Variants in THSD4 observed in about 807,000 individuals in gnomAD.
THSD4 encodes thrombospondin type-1 domain-containing protein 4.
In THSD4, 69 loss-of-function variants were observed where a neutral mutation model predicts 119.0. The ratio of observed to expected loss-of-function variants is 0.58; its 90% CI spans 0.48 to 0.71. The LOEUF (loss-of-function observed/expected upper bound fraction) is 0.71, where lower values mean the gene tolerates loss of function less well. THSD4 is among the 30% of genes least tolerant of loss of function. The pLI, the probability that THSD4 is intolerant of heterozygous loss-of-function variation, is 0.00. For synonymous variants in THSD4, 524 were observed against 540.4 expected (o/e 0.97, Z 0.42); for missense variants, 1,393 against 1,391.1 (o/e 1.00, Z -0.02).
chr15:71,640,249 AT>A (rs201551522), intron 7 of THSD4, among the ~76,000 whole-genome samples: 127 of 146,358 alleles, frequency 8.7e-4, no homozygotes, highest in South Asian at 4.2e-3. Context: ...TGCTCAGCTA[AT>A]TTTTTTTTTT....
chr15:71,686,869 G>A (rs2051922264), intron 8 of THSD4, among the ~76,000 whole-genome samples: 1 of 152,200 alleles, frequency 6.6e-6, no homozygotes, highest in African/African-American at 2.4e-5. Context: ...AAAGCAGGTG[G>A]CAGGCCATAT....
At chr15:71,222,154 C>T (rs1235339209) in intron 4 of THSD4, among the ~76,000 whole-genome samples, 1 of 152,138 alleles carries the variant, frequency 6.6e-6, no homozygotes, top group Non-Finnish European at 1.5e-5. Flanking sequence ...AAAATGGCAT[C>T]CAGAAAGACT....
chr15:71,731,358 C>G (rs1424091392), intron 10 of THSD4, 141 bp downstream of exon 10: 1 of 756,368 alleles, frequency 1.3e-6, no homozygotes, highest in Non-Finnish European at 2.2e-6. Flanking sequence ...GCCAAGGGGC[C>G]TTGACATTGG....
chr15:71,581,861 A>G (rs923277054), intron 7 of THSD4, among the ~76,000 whole-genome samples: 1 of 152,102 alleles, frequency 6.6e-6, no homozygotes, highest in African/African-American at 2.4e-5. Context: ...ATTCCGTTCC[A>G]TTGGTCTATA....
At chr15:71,456,348 G>C (rs2047338767) in intron 7 of THSD4, among the ~76,000 whole-genome samples, 1 of 152,190 alleles carries the variant, frequency 6.6e-6, no homozygotes, top group African/African-American at 2.4e-5. Flanking sequence ...AGCAAAAGGA[G>C]CTGCCTTCAA....
At chr15:71,735,798 T>C (rs558010932) in intron 10 of THSD4, among the ~76,000 whole-genome samples, 2 of 144,832 alleles carry the variant, frequency 1.4e-5, no homozygotes, top group African/African-American at 5.1e-5. Flanking sequence ...CCTGCTCTCT[T>C]GCTTTCTGTC....
chr15:71,657,117 G>A (rs988410698), intron 7 of THSD4, among the ~76,000 whole-genome samples: 4 of 152,116 alleles, frequency 2.6e-5, no homozygotes, highest in African/African-American at 4.8e-5. Flanking sequence ...GCATGCAAGC[G>A]TTCCTCATGG....
In THSD4 at chr15:71,748,539, A is replaced by C. The variant is rs778901202; in HGVS notation, c.2360A>C (p.Asn787Thr). The C allele has an allele frequency of 6.2e-7, 1 of 1,614,044 alleles. No homozygotes were observed. The highest frequency in any genetic ancestry group is 8.5e-7 in the Non-Finnish European group (1 of 1,180,050). The change falls in exon 14 of 18, where the codon AAC becomes ACC. Residue 787 changes from asparagine to threonine, a missense_variant. Coordinates refer to ENST00000261862, the MANE Select transcript of THSD4 (RefSeq NM_024817.3). ...NMKLRPNDIE[N>T]CDMGPCAKSW... ...AAGCTCCGGCCGAATGACATTGAGA[A>C]CTGCGACATGGGACCCTGTGCCAAG...
chr15:71,669,382 C>T (rs1404412163), intron 8 of THSD4, among the ~76,000 whole-genome samples: 3 of 152,124 alleles, frequency 2.0e-5, no homozygotes, highest in Non-Finnish European at 4.4e-5. Context: ...TTCAACTCTG[C>T]TTAAATTATC....
intron 7 of THSD4, among the ~76,000 whole-genome samples, chr15:71,450,722 G>A (rs2047252169): frequency 6.6e-6 from 1 of 152,058 alleles, no homozygotes; most frequent in African/African-American, 2.4e-5. Flanking sequence ...ACCCTTCTAG[G>A]TTCCTTGGCT....
chr15:71,430,759 G>GAAAAAAAAAAAAAAAAAAAA (rs397719477), intron 7 of THSD4, among the ~76,000 whole-genome samples: 1 of 82,958 alleles, frequency 1.2e-5, no homozygotes, highest in Non-Finnish European at 2.2e-5. Flanking sequence ...TCTGTCTCAA[G>GAAAAAAAAAAAAAAAAAAAA]AAAAAAAAAA....
intron 6 of THSD4, among the ~76,000 whole-genome samples, chr15:71,319,680 G>A (rs1451706703): frequency 1.3e-5 from 2 of 151,936 alleles, no homozygotes; most frequent in African/African-American, 4.8e-5. Flanking sequence ...CCAAGTCTTT[G>A]CTATTGTGAA....
At chr15:71,773,612 A>G (rs1335101538) in intron 17 of THSD4, among the ~76,000 whole-genome samples, 1 of 152,242 alleles carries the variant, frequency 6.6e-6, no homozygotes, top group Non-Finnish European at 1.5e-5. Flanking sequence ...ATGTGCCTCA[A>G]AATTATACCT....
chr15:71,112,322 TATTAATAATTA>T (rs1268259213), upstream of THSD4: 5 of 1,139,290 alleles, frequency 4.4e-6, no homozygotes, highest in Admixed American at 6.0e-5. Flanking sequence ...AGGGGGGTAC[TATTAATAATTA>T]ATTAATAATT....
At chr15:71,706,815 T>C (rs1265709495) in intron 8 of THSD4, among the ~76,000 whole-genome samples, 1 of 152,132 alleles carries the variant, frequency 6.6e-6, no homozygotes, top group Non-Finnish European at 1.5e-5. Context: ...CCAGAGTGAA[T>C]GTTATCTAGG....
intron 1 of THSD4, among the ~76,000 whole-genome samples, chr15:71,109,231 C>G (rs1373440237): frequency 6.6e-6 from 1 of 152,172 alleles, no homozygotes; most frequent in African/African-American, 2.4e-5. Flanking sequence ...AACAGCAGCT[C>G]TATCAATGTC....
chr15:71,616,885 C>T (rs563706607), intron 7 of THSD4, among the ~76,000 whole-genome samples: 1 of 152,328 alleles, frequency 6.6e-6, no homozygotes, highest in South Asian at 2.1e-4. Context: ...ATTAGGGCCA[C>T]TGTGCAGCAA....
intron 4 of THSD4, among the ~76,000 whole-genome samples, chr15:71,234,667 T>A (rs1274354338): frequency 6.6e-6 from 1 of 152,218 alleles, no homozygotes; most frequent in East Asian, 1.9e-4. Context: ...TCATAGTCTG[T>A]AGTGTAAGCT....
At chr15:71,180,845 G>T (rs1007574097) in intron 3 of THSD4, among the ~76,000 whole-genome samples, 3 of 152,088 alleles carry the variant, frequency 2.0e-5, no homozygotes, top group Non-Finnish European at 4.4e-5. Flanking sequence ...CTTGAGCAGG[G>T]TTGGGATTAC....
Sources: allele counts gnomAD v4.1 joint callset (sites outside exome capture counted in the v4.1 genomes callset), GRCh38; gene constraint gnomAD v4.1.1; transcripts MANE v1.5; gene names NCBI Gene and HGNC (gene_info 2026-07-23, HGNC 2026-07-21).